The following TTC21B variants were observed in gnomAD, a reference collection of about 807,000 sequenced individuals.
TTC21B encodes tetratricopeptide repeat protein 21B.
Under a neutral mutation model 175.1 loss-of-function variants are expected in TTC21B, and 127 were observed. The observed-to-expected ratio is 0.73, with a 90% confidence interval of 0.63 to 0.84. The LOEUF (loss-of-function observed/expected upper bound fraction) is 0.84, where lower values mean the gene tolerates loss of function less well. Ranked by LOEUF, TTC21B falls within the 40% of genes least tolerant of loss-of-function variation. The pLI is 0.00. For missense variants in TTC21B, 1,561 were observed against 1,558.3 expected, an observed-to-expected ratio of 1.00 and a Z score of -0.03; for synonymous variants, 524 against 524.5, an observed-to-expected ratio of 1.00 and a Z score of 0.01.
chr2:165,936,186 A>G (rs754789649), intron 6 of TTC21B, among the ~76,000 whole-genome samples: 10 of 152,116 alleles, frequency 6.6e-5, no homozygotes, highest in Non-Finnish European at 1.3e-4. Flanking sequence ...ATCTTTGACA[A>G]AAGAGCAAGG....
At chr2:165,928,484 C>T (rs189265627) in intron 11 of TTC21B, among the ~76,000 whole-genome samples, 1 of 152,172 alleles carries the variant, frequency 6.6e-6, no homozygotes, top group East Asian at 1.9e-4. Flanking sequence ...ATGAGAGGCA[C>T]AGACAAAATA....
rs1360180785 is a variant in TTC21B at position 165,911,427 on chromosome 2, T to C, written c.2361A>G (p.Gln787=). 2.5e-6 allele frequency: 4 copies of C among 1,613,816 alleles called. No individual in the cohort carries two copies. The highest frequency in any genetic ancestry group is 3.4e-6 in the Non-Finnish European group (4 of 1,179,884). ...TYYEAALKTG[Q]KNYLCYDLAE... ...CCAGGTCATAGCAAAGATAATTCTT[T>C]TGTCCAGTTTTCAGAGCAGCTTCAT... Residue 787 remains glutamine, a synonymous_variant, in exon 18 of 29, where the codon CAA becomes CAG. Transcript: ENST00000243344.
chr2:165,923,128 G>A (rs1429394974), intron 12 of TTC21B, among the ~76,000 whole-genome samples: 2 of 151,948 alleles, frequency 1.3e-5, no homozygotes, highest in African/African-American at 4.8e-5. Flanking sequence ...GCTTCATATT[G>A]GGTACAATGC....
chr2:165,913,336 T>G (rs963078587), intron 16 of TTC21B, among the ~76,000 whole-genome samples: 2 of 152,140 alleles, frequency 1.3e-5, no homozygotes, highest in Admixed American at 6.5e-5. Context: ...TCATCTCTAT[T>G]TCAAATAACA....
chr2:165,891,857 TTCATA>T (rs1685207662), intron 22 of TTC21B, among the ~76,000 whole-genome samples: 4 of 152,106 alleles, frequency 2.6e-5, no homozygotes, highest in South Asian at 2.1e-4. Context: ...TGTGCTTTCT[TTCATA>T]TATTTGAAAA....
At chr2:165,891,131 C>G (rs1387993739) in intron 22 of TTC21B, 143 bp from the exon 23 acceptor site, 6 of 727,418 alleles carry the variant, frequency 8.2e-6, no homozygotes, top group Non-Finnish European at 1.1e-5. Flanking sequence ...GGTATAATTC[C>G]CTATAGAGGC....
chr2:165,901,678 A>G (rs1399567965), intron 20 of TTC21B, 44 bp downstream of exon 20: 5 of 1,556,362 alleles, frequency 3.2e-6, no homozygotes, highest in Non-Finnish European at 4.4e-6. Flanking sequence ...AAATTAGAAG[A>G]CATCTGGAAT....
intron 21 of TTC21B, 120 bp from the exon 22 acceptor site, chr2:165,898,887 T>G (rs1396153617): frequency 8.5e-6 from 6 of 704,940 alleles, no homozygotes; most frequent in Non-Finnish European, 1.5e-5. Context: ...GGCAGCATTT[T>G]ATAAAAAGGA....
At chr2:165,876,043 C>T (rs1207679330) in intron 28 of TTC21B, 122 bp downstream of exon 28, 2 of 682,612 alleles carry the variant, frequency 2.9e-6, no homozygotes, top group African/African-American at 1.8e-5. Flanking sequence ...CCTAAACATA[C>T]TGATAAATCA....
rs372217458 is a variant in TTC21B at position 165,927,119 on chromosome 2, GATATAT to G, written c.1386+2010_1386+2015del. ...ATATATATATATATATATCCTAGTA[GATATAT>G]ATATATATATATCCTAGTAGTTATA... On this transcript the variant is annotated intron_variant, in intron 11 of 28. Transcript: ENST00000243344. 2.1e-4 allele frequency among the ~76,000 whole-genome samples: 2 copies of G among 9,524 alleles called. 1 individual carries two copies. Among genetic ancestry groups the G allele is most frequent in the African/African-American group, 1.5e-3 (2 of 1,324 alleles). The allele number at this position is 9,524 out of a possible 152,430, so 6.2% of individuals were successfully genotyped here.
At chr2:165,927,831 C>T (rs976807805) in intron 11 of TTC21B, among the ~76,000 whole-genome samples, 2 of 152,074 alleles carry the variant, frequency 1.3e-5, no homozygotes, top group African/African-American at 2.4e-5. Context: ...GTATGGGTTC[C>T]CTAAGGGAAG....
Position 165,891,646 on chromosome 2 carries a change from AGG to A in TTC21B, c.2951-660_2951-659del, listed in dbSNP as rs199553781. On this transcript the variant is annotated intron_variant, in intron 22 of 28. Transcript: ENST00000243344. Reference sequence around the variant, plus strand: ...TTGATCTCAGGTATAATTTCCTGGCAGGTTCCTAGAAAGCCTTCTTCCAATTC... The same window carrying A: ...TTGATCTCAGGTATAATTTCCTGGCATTCCTAGAAAGCCTTCTTCCAATTC... Among the ~76,000 whole-genome samples, 663 of 152,138 alleles carry A rather than the reference AGG, an allele frequency of 4.4e-3. 3 individuals carry two copies. The highest frequency in any genetic ancestry group is 7.0e-3 in the Non-Finnish European group (476 of 68,000).
intron 6 of TTC21B, 30 bp downstream of exon 6, chr2:165,940,997 A>G (rs781348382): frequency 6.2e-7 from 1 of 1,612,748 alleles, no homozygotes; most frequent in Non-Finnish European, 8.5e-7. Context: ...CCAAATCCAA[A>G]GAGACTTGTG....
chr2:165,874,510 C>A lies in TTC21B; in HGVS notation c.*245G>T. ...TTATAGAAATAATTATAGTCTTTACCACAGAGTCACCAAATCTGTACCCAA... is the reference window on the plus strand; with the variant it reads ...TTATAGAAATAATTATAGTCTTTACAACAGAGTCACCAAATCTGTACCCAA... On this transcript the variant is annotated 3_prime_UTR_variant, in exon 29 of 29. Transcript: ENST00000243344. 4.7e-6 allele frequency: 2 copies of A among 424,200 alleles called. No individual in the cohort carries two copies. Among genetic ancestry groups the A allele is most frequent in the Admixed American group, 3.9e-5 (1 of 25,656 alleles). 26.3% of individuals were successfully genotyped at this position (424,200 alleles called of 1,614,324 possible).
At position 165,915,330 on chromosome 2, in the gene TTC21B, A is replaced by G. The variant is rs778504663; in HGVS notation, c.2009T>C (p.Ile670Thr). The change falls in exon 15 of 29, where the codon ATT (isoleucine) becomes ACT (threonine). Residue 670 changes from isoleucine (I) to threonine (T), a missense_variant. Ile to Thr is a moderately conservative substitution (Grantham distance 89, BLOSUM62 -1). Coordinates refer to ENST00000243344, the MANE Select transcript of TTC21B (RefSeq NM_024753.5). ...CTGAAGGATGCTTAAAGCCCGTTCA[A>G]TATCTCCTTGGGCTAGAGCAAGGTC... is the stretch of plus-strand genomic sequence containing the variant. ...NADLALAQGD[I>T]ERALSILQNV... The G allele has an allele frequency of 2.5e-6, 4 of 1,614,128 alleles. No homozygotes were observed. The highest frequency in any genetic ancestry group is 2.2e-5 in the East Asian group (1 of 44,864).
chr2:165,929,289 C>A lies in TTC21B; in HGVS notation c.1232G>T (p.Arg411Leu). The A allele has an allele frequency of 6.2e-7, 1 of 1,612,184 alleles. No homozygotes were observed. The highest frequency in any genetic ancestry group is 1.1e-5 in the South Asian group (1 of 90,946). The change falls in exon 11 of 29, where the codon CGA (arginine) becomes CTA (leucine). Residue 411 changes from arginine (R) to leucine (L), a missense_variant. By Grantham distance (102) the Arg-to-Leu change is moderately radical (BLOSUM62 -2). Transcript: ENST00000243344. ...TAACAAATTAATAACTTCTTCTTGT[C>A]GTTTATTTTTCTTCATGGCAAGAAC... ...HAVLAMKKNK[R>L]QEEVINLLND... is the part of the protein sequence containing the mutation.
At chr2:165,894,910 C>T (rs180766814) in intron 22 of TTC21B, among the ~76,000 whole-genome samples, 21 of 151,984 alleles carry the variant, frequency 1.4e-4, no homozygotes, top group African/African-American at 4.6e-4. Context: ...ACAAAGTAAC[C>T]GAGGATTAGG....
chr2:165,891,112 A>G, intron 22 of TTC21B, 124 bp from the exon 23 acceptor site: 1 of 870,736 alleles, frequency 1.1e-6, no homozygotes. Flanking sequence ...TAAATAAAAA[A>G]TGCCTCAGGG....
intron 22 of TTC21B, among the ~76,000 whole-genome samples, chr2:165,892,754 T>C (rs747803458): frequency 3.3e-5 from 5 of 152,242 alleles, no homozygotes; most frequent in Non-Finnish European, 5.9e-5. Flanking sequence ...AGACTTCAGT[T>C]TGGAATGGCA....
Sources: allele counts gnomAD v4.1 joint callset (sites outside exome capture counted in the v4.1 genomes callset), GRCh38; gene constraint gnomAD v4.1.1; transcripts MANE v1.5; gene names NCBI Gene and HGNC (gene_info 2026-07-23, HGNC 2026-07-21).